GALNT9: variants seen among roughly 807,000 people sequenced by gnomAD.
GALNT9 encodes polypeptide N-acetylgalactosaminyltransferase 9.
Under a neutral mutation model 63.1 loss-of-function variants are expected in GALNT9, and 47 were observed. The observed-to-expected ratio is 0.75, with a 90% CI of 0.59 to 0.95. GALNT9 has a LOEUF of 0.95. GALNT9 is among the 40% of genes least tolerant of loss of function. The pLI is 0.00. For synonymous variants in GALNT9, 396 were observed against 365.7 expected (o/e 1.08, Z -0.94); for missense variants, 829 against 874.8 (o/e 0.95, Z 0.66).
intron 2 of GALNT9, among the ~76,000 whole-genome samples, chr12:132,264,319 C>T (rs973580124): frequency 2.6e-5 from 4 of 152,262 alleles, no homozygotes; most frequent in African/African-American, 4.8e-5. Flanking sequence ...GCAACAGAAC[C>T]TTCCAGATGC....
At chr12:132,214,756 A>G (rs983818839) in intron 6 of GALNT9, among the ~76,000 whole-genome samples, 3 of 151,956 alleles carry the variant, frequency 2.0e-5, no homozygotes, top group Non-Finnish European at 4.4e-5. Context: ...CCATCTCACC[A>G]ATGGCCATTG....
chr12:132,214,760 G>A (rs947998642), intron 6 of GALNT9, among the ~76,000 whole-genome samples: 3 of 152,176 alleles, frequency 2.0e-5, no homozygotes, highest in African/African-American at 7.2e-5. Flanking sequence ...CTCACCAATG[G>A]CCATTGTCTC....
At chr12:132,197,351 T>C (rs982416076) in intron 10 of GALNT9, 98 bp from the exon 11 acceptor site, 20 of 1,526,378 alleles carry the variant, frequency 1.3e-5, no homozygotes, top group Non-Finnish European at 1.8e-5. Flanking sequence ...GCCCTCGTGC[T>C]CATTCTTGGG....
At chr12:132,269,897 C>G (rs1879804962) in intron 2 of GALNT9, among the ~76,000 whole-genome samples, 1 of 152,204 alleles carries the variant, frequency 6.6e-6, no homozygotes, top group African/African-American at 2.4e-5. Context: ...TCCCAGATAA[C>G]TTAGGCCCAG....
In GALNT9 at chr12:132,259,540, G is replaced by A. The variant is rs139378625; in HGVS notation, c.761+1408C>T. 2.1e-3 allele frequency among the ~76,000 whole-genome samples: 319 copies of A among 152,330 alleles called. 1 individual carries two copies. Among genetic ancestry groups the A allele is most frequent in the African/African-American group, 6.9e-3 (288 of 41,570 alleles). ...GGAGGCAGCGTCTTGTCAGAACAGC[G>A]CCGGCTGGGGACTGAGATGCCCCAG... is the stretch of plus-strand genomic sequence containing the variant. On this transcript the variant is annotated intron_variant, in intron 4 of 10. Transcript: ENST00000328957.
rs377222020 is a variant in GALNT9, at chr12:132,327,263, G to T, written c.238+1703C>A. On this transcript the variant is annotated intron_variant, in intron 1 of 10. Coordinates refer to ENST00000328957, the MANE Select transcript of GALNT9 (RefSeq NM_001122636.2). The surrounding 1 kb of genome is among the most constrained non-coding windows in gnomAD (Gnocchi z 4.3). ...AGGGGACAGAGGACAGGAGGAAGCGGGATGGGAGAAGGCAGTGGGGGCGGT... is the reference window on the plus strand; with the variant it reads ...AGGGGACAGAGGACAGGAGGAAGCGTGATGGGAGAAGGCAGTGGGGGCGGT... Among the ~76,000 whole-genome samples, 25 of 151,526 alleles carry T rather than the reference G, an allele frequency of 1.6e-4. No individual in the cohort carries two copies. The highest frequency in any genetic ancestry group is 6.1e-4 in the African/African-American group (25 of 41,260).
At chr12:132,199,309 G>C (rs370164089) in intron 8 of GALNT9, 40 bp from the exon 9 acceptor site, 2 of 1,464,668 alleles carry the variant, frequency 1.4e-6, no homozygotes, top group African/African-American at 1.4e-5. Flanking sequence ...AGAGTCACCC[G>C]AGGGTGCGGC....
chr12:132,230,658 C>A (rs1344962944), intron 6 of GALNT9, among the ~76,000 whole-genome samples: 2 of 152,214 alleles, frequency 1.3e-5, no homozygotes, highest in Non-Finnish European at 2.9e-5. Flanking sequence ...ACCCCTTCCC[C>A]GCAGCCCTTA....
intron 2 of GALNT9, among the ~76,000 whole-genome samples, chr12:132,272,416 C>A (rs1365076901): frequency 6.6e-6 from 1 of 152,232 alleles, no homozygotes; most frequent in Non-Finnish European, 1.5e-5. Context: ...TACTGCCGGG[C>A]GCTTAAATTA....
At chr12:132,294,835 G>A (rs1880994617) in intron 1 of GALNT9, among the ~76,000 whole-genome samples, 1 of 152,226 alleles carries the variant, frequency 6.6e-6, no homozygotes, top group Admixed American at 6.5e-5. Context: ...TTTTGCCTGT[G>A]CGGAAGGTTG....
At chr12:132,254,684 G>A (rs1199846898) in intron 5 of GALNT9, among the ~76,000 whole-genome samples, 1 of 152,182 alleles carries the variant, frequency 6.6e-6, no homozygotes, top group East Asian at 1.9e-4. Context: ...GAGAGAAGAG[G>A]GCTAGTGTCA....
At position 132,201,217 on chromosome 12, in the gene GALNT9, C is replaced by A; in HGVS notation, c.1308G>T (p.Leu436=). 6.2e-7 allele frequency: 1 copy of A among 1,613,514 alleles called. No homozygotes were observed. Among genetic ancestry groups the A allele is most frequent in the Non-Finnish European group, 8.5e-7 (1 of 1,179,574 alleles). Residue 436 remains leucine (L), a synonymous_variant, in exon 8 of 11, where the codon CTG becomes CTT. Coordinates refer to ENST00000328957, the MANE Select transcript of GALNT9 (RefSeq NM_001122636.2). ...DFGDVSERLA[L]RQRLKCRSFK... is the part of the protein sequence containing the mutation. ...AGCTGCGACACTTCAGCCTCTGACG[C>A]AGGGCCAGCCTCTCAGACACGTCCC... is the stretch of plus-strand genomic sequence containing the variant.
intron 2 of GALNT9, among the ~76,000 whole-genome samples, chr12:132,267,885 T>TCCCA (rs1555240362): frequency 4.8e-5 from 6 of 124,502 alleles, no homozygotes; most frequent in African/African-American, 1.5e-4. Flanking sequence ...CCACATGCAC[T>TCCCA]CACACGCACA....
At chr12:132,202,077 TATC>T (rs1211344238) in intron 7 of GALNT9, among the ~76,000 whole-genome samples, 3 of 152,252 alleles carry the variant, frequency 2.0e-5, no homozygotes, top group African/African-American at 7.2e-5. Flanking sequence ...GACAGTCCCC[TATC>T]TTCTCTGTGC....
chr12:132,304,511 C>A, intron 1 of GALNT9, among the ~76,000 whole-genome samples: 1 of 63,672 alleles, frequency 1.6e-5, no homozygotes, highest in African/African-American at 9.2e-5. Flanking sequence ...CCGGGCACAC[C>A]CTCGCCCGGA....
intron 6 of GALNT9, among the ~76,000 whole-genome samples, chr12:132,213,548 C>T (rs925969157): frequency 7.9e-5 from 12 of 151,910 alleles, no homozygotes; most frequent in Non-Finnish European, 1.2e-4. Context: ...CATACAGGCG[C>T]ACTCACACAG....
At chr12:132,262,413 C>T (rs1879428631) in intron 3 of GALNT9, 46 bp downstream of exon 3, 1 of 1,521,652 alleles carries the variant, frequency 6.6e-7, no homozygotes, top group African/African-American at 1.4e-5. Context: ...AACCCAGCCA[C>T]AGGCAGCCGC....
rs111798781 is a variant in GALNT9, at chr12:132,246,872, G to T, written c.1077+1038C>A. Among the ~76,000 whole-genome samples the T allele has an allele frequency of 1.3e-5, 2 of 152,164 alleles. No homozygotes were observed. The highest frequency in any genetic ancestry group is 4.8e-5 in the African/African-American group (2 of 41,420). ...TCTGCCCAACCTGAGTTAAACAATC[G>T]CGGCCACGGGGAAGGAGGCCGTTTT... On this transcript the variant is annotated intron_variant, in intron 6 of 10. Coordinates refer to ENST00000328957, the MANE Select transcript of GALNT9 (RefSeq NM_001122636.2). The surrounding 1 kb of genome is among the most constrained non-coding windows in gnomAD (Gnocchi z 4.7).
chr12:132,252,511 T>A lies in GALNT9; in HGVS notation c.960-4484A>T, dbSNP rs1431572854. Among the ~76,000 whole-genome samples the A allele has an allele frequency of 6.6e-6, 1 of 152,078 alleles. No homozygotes were observed. Among genetic ancestry groups the A allele is most frequent in the Non-Finnish European group, 1.5e-5 (1 of 68,024 alleles). ...CTCCCCGTGTGCAGAGACAAGAGAT[T>A]GTCAGAAATAAAGACACAAGACAAA... On this transcript the variant is annotated intron_variant, in intron 5 of 10. Coordinates refer to ENST00000328957, the MANE Select transcript of GALNT9 (RefSeq NM_001122636.2). This position sits in a 1 kb window ranked among gnomAD's most constrained non-coding sequence, Gnocchi z 5.2.
Sources: allele counts gnomAD v4.1 joint callset (sites outside exome capture counted in the v4.1 genomes callset), GRCh38; gene constraint gnomAD v4.1.1; non-coding constraint Gnocchi (gnomAD v3.1); transcripts MANE v1.5; gene names NCBI Gene and HGNC (gene_info 2026-07-23, HGNC 2026-07-21).